Variants in VIL1 observed in about 807,000 individuals in gnomAD.
VIL1 encodes villin-1.
A neutral mutation model predicts 104.0 loss-of-function variants in VIL1; 86 were observed. The observed-to-expected ratio is 0.83, with a 90% CI of 0.69 to 0.99. VIL1 has a LOEUF of 0.99. Ranked by LOEUF, VIL1 falls within the 50% of genes least tolerant of loss-of-function variation. The pLI is 0.00. For synonymous variants in VIL1, 394 were observed against 412.6 expected (o/e 0.95, Z 0.55); for missense variants, 944 against 1,054.1 (o/e 0.90, Z 1.45).
At position 218,440,875 on chromosome 2, in the gene VIL1, C is replaced by G; in HGVS notation, c.2370+13C>G. 6.2e-7 allele frequency: 1 copy of G among 1,613,458 alleles called. No homozygotes were observed. Among genetic ancestry groups the G allele is most frequent in the Non-Finnish European group, 8.5e-7 (1 of 1,179,724 alleles). On this transcript the variant is annotated intron_variant, in intron 19 of 19. Transcript: ENST00000248444. ...CAGCAGGAAGGAGGTAGGTCAGATT[C>G]TCAAAGGAAGACAAAGAAGTCCATT...
chr2:218,426,350 G>T (rs544027070), intron 4 of VIL1, among the ~76,000 whole-genome samples: 37 of 152,154 alleles, frequency 2.4e-4, no homozygotes, highest in African/African-American at 8.4e-4. Context: ...CGCCTCCTGG[G>T]CTCAAGCGAT....
Position 218,425,652 on chromosome 2 carries a change from A to G in VIL1, c.188A>G (p.His63Arg), listed in dbSNP as rs1190569749. 1 of 1,614,178 alleles carries G rather than the reference A, an allele frequency of 6.2e-7. No homozygotes were observed. The highest frequency in any genetic ancestry group is 8.5e-7 in the Non-Finnish European group (1 of 1,180,036). The stretch of plus-strand genomic sequence containing the variant: ...GCCAGCAGCCTGTCCTATGACATCC[A>G]CTACTGGATTGGCCAGGACTCATCC... Reference protein sequence around the residue: ...KTASSLSYDIHYWIGQDSSLD... With the variant: ...KTASSLSYDIRYWIGQDSSLD... The change falls in exon 4 of 20, where the codon CAC (histidine) becomes CGC (arginine). Residue 63 changes from histidine (H) to arginine (R), a missense_variant. Transcript: ENST00000248444.
Position 218,428,416 on chromosome 2 carries a change from G to A in VIL1, c.567+79G>A, listed in dbSNP as rs1346628391. 1.5e-5 allele frequency: 18 copies of A among 1,237,216 alleles called. 1 individual carries two copies. Among genetic ancestry groups the A allele is most frequent in the Admixed American group, 1.2e-4 (7 of 56,280 alleles). The allele number at this position is 1,237,216 out of a possible 1,614,324, so 76.6% of individuals were successfully genotyped here. On this transcript the variant is annotated intron_variant, in intron 6 of 19. Coordinates refer to ENST00000248444, the MANE Select transcript of VIL1 (RefSeq NM_007127.3). The stretch of plus-strand genomic sequence containing the variant: ...TGCTCCTTTCCCCAGGCCTCTCCCC[G>A]CTGACTGCTGGGGACAGCATGTTTG...
At position 218,429,873 on chromosome 2, in the gene VIL1, G is replaced by C; in HGVS notation, c.874G>C (p.Gly292Arg). The C allele has an allele frequency of 3.1e-6, 5 of 1,613,916 alleles. No homozygotes were observed. In the South Asian group the frequency reaches 5.5e-5, roughly 18 times the overall value. The change falls in exon 9 of 20, where the codon GGC becomes CGC. Residue 292 changes from glycine (G) to arginine (R), a missense_variant. Gly to Arg is a moderately radical substitution (Grantham distance 125, BLOSUM62 -2). Coordinates refer to ENST00000248444, the MANE Select transcript of VIL1 (RefSeq NM_007127.3). ...HEDCYILDQG[G>R]LKIYVWKGKK... ...GGACTGTTACATCCTGGACCAGGGG[G>C]GCCTGAAGATCTACGTGTGGAAAGG...
intron 6 of VIL1, 107 bp from the exon 7 acceptor site, chr2:218,429,178 C>T: frequency 7.6e-7 from 1 of 1,310,264 alleles, no homozygotes; most frequent in South Asian, 1.4e-5. Flanking sequence ...GGTCTCAACC[C>T]CTGTGGCTGC....
Position 218,434,715 on chromosome 2 carries a change from G to A in VIL1, c.1680+10G>A. On this transcript the variant is annotated intron_variant, in intron 14 of 19. Transcript: ENST00000248444. Reference sequence around the variant, plus strand: ...TCTATGGTGTGGGAAGGTGTGTTCAGGGTCTAGAGGCCTCCCCATCCGCAA... The same window carrying A: ...TCTATGGTGTGGGAAGGTGTGTTCAAGGTCTAGAGGCCTCCCCATCCGCAA... 1.3e-6 allele frequency: 2 copies of A among 1,597,308 alleles called. No homozygotes were observed. The highest frequency in any genetic ancestry group is 1.7e-6 in the Non-Finnish European group (2 of 1,171,002).
In VIL1 at chr2:218,428,316, C is replaced by T; in HGVS notation, c.546C>T (p.Ser182=). 6.2e-7 allele frequency: 1 copy of T among 1,614,180 alleles called. No homozygotes were observed. Among genetic ancestry groups the T allele is most frequent in the Non-Finnish European group, 8.5e-7 (1 of 1,180,022 alleles). ...KLIIQWNGPE[S]TRMERLRGMT... ...TCATCCAGTGGAATGGACCGGAAAG[C>T]ACCCGTATGGAGAGACTCAGGGTAA... The change falls in exon 6 of 20, where the codon AGC becomes AGT. Residue 182 remains serine, a synonymous_variant. Coordinates refer to ENST00000248444, the MANE Select transcript of VIL1 (RefSeq NM_007127.3).
At chr2:218,435,537 C>G (rs1008577737) in intron 15 of VIL1, 103 bp downstream of exon 15, 14 of 1,454,058 alleles carry the variant, frequency 9.6e-6, no homozygotes, top group East Asian at 2.4e-5. Flanking sequence ...ACTGAGGACT[C>G]TGTGTGTCAG....
At chr2:218,423,684 C>A in intron 1 of VIL1, 84 bp from the exon 2 acceptor site, 2 of 1,388,578 alleles carry the variant, frequency 1.4e-6, no homozygotes, top group African/African-American at 1.4e-5. Flanking sequence ...GACCTCCTGG[C>A]ACTGTTGGGA....
intron 6 of VIL1, 78 bp downstream of exon 6, chr2:218,428,415 C>G (rs1226857916): frequency 7.9e-7 from 1 of 1,264,702 alleles, no homozygotes. Flanking sequence ...GGCCTCTCCC[C>G]GCTGACTGCT....
At chr2:218,434,923 C>T (rs1022744858) in intron 14 of VIL1, among the ~76,000 whole-genome samples, 1 of 152,202 alleles carries the variant, frequency 6.6e-6, no homozygotes, top group Non-Finnish European at 1.5e-5. Flanking sequence ...GCCTCTCTGT[C>T]GGAGTCAGTC....
chr2:218,449,442 C>T lies in VIL1; in HGVS notation c.*106C>T, dbSNP rs1689429982. 1.1e-6 allele frequency: 1 copy of T among 893,802 alleles called. No homozygotes were observed. Among genetic ancestry groups the T allele is most frequent in the Admixed American group, 2.0e-5 (1 of 51,134 alleles). 55.4% of individuals were successfully genotyped at this position (893,802 alleles called of 1,614,324 possible). On this transcript the variant is annotated 3_prime_UTR_variant, in exon 20 of 20. Coordinates refer to ENST00000248444, the MANE Select transcript of VIL1 (RefSeq NM_007127.3). ...ATTGAAGTGAAATTTTGCAGATGTG[C>T]CTATGAGCACAAACTTCTGTGGCAA... is the stretch of plus-strand genomic sequence containing the variant.
chr2:218,427,575 C>T (rs938449945), intron 4 of VIL1, among the ~76,000 whole-genome samples: 1 of 152,180 alleles, frequency 6.6e-6, no homozygotes, highest in Non-Finnish European at 1.5e-5. Context: ...ATCTGCCCAC[C>T]TCGGCCTCCC....
intron 16 of VIL1, 105 bp from the exon 17 acceptor site, chr2:218,437,019 A>T: frequency 7.4e-7 from 1 of 1,352,546 alleles, no homozygotes; most frequent in Non-Finnish European, 1.0e-6. Context: ...TGGTAGTGGT[A>T]GAGTCAGGGT....
chr2:218,432,046 G>A lies in VIL1; in HGVS notation c.1204G>A (p.Val402Met), dbSNP rs769899686. ...CACCCTGGCCTGATACTGGCCCTAGGTGTGGCGCATTGAGAACCTAGAGCT... is the reference window on the plus strand; with the variant it reads ...CACCCTGGCCTGATACTGGCCCTAGATGTGGCGCATTGAGAACCTAGAGCT... ...MVDDGSGEVQ[V>M]WRIENLELVP... The change falls in exon 12 of 20, where the codon GTG (valine) becomes ATG (methionine). Residue 402 changes from valine (V) to methionine (M), a missense_variant and splice_region_variant. Coordinates refer to ENST00000248444, the MANE Select transcript of VIL1 (RefSeq NM_007127.3). 1 of 1,613,988 alleles carries A rather than the reference G, an allele frequency of 6.2e-7. No homozygotes were observed. Among genetic ancestry groups the A allele is most frequent in the African/African-American group, 1.3e-5 (1 of 74,906 alleles).
chr2:218,441,815 C>G (rs1165595942), intron 19 of VIL1, among the ~76,000 whole-genome samples: 1 of 152,098 alleles, frequency 6.6e-6, no homozygotes, highest in Non-Finnish European at 1.5e-5. Context: ...TGGTGAAACC[C>G]CATCTCTACT....
chr2:218,430,793 G>A lies in VIL1; in HGVS notation c.1017G>A (p.Ser339=), dbSNP rs754988094. Residue 339 remains serine, a synonymous_variant, in exon 10 of 20, where the codon TCG becomes TCA. Transcript: ENST00000248444. ...AGGTGCAGAATGATGGGGCTGAGTCGGCCGTCTTTCAGCAGCTCTTCCAGA... is the reference window on the plus strand; with the variant it reads ...AGGTGCAGAATGATGGGGCTGAGTCAGCCGTCTTTCAGCAGCTCTTCCAGA... ...QVEVQNDGAE[S]AVFQQLFQKW... The A allele has an allele frequency of 7.4e-6, 12 of 1,613,634 alleles. No individual in the cohort carries two copies. The highest frequency in any genetic ancestry group is 1.7e-5 in the Admixed American group (1 of 59,932).
In VIL1 at chr2:218,439,700, C is replaced by G. The variant is rs146079695; in HGVS notation, c.2229+974C>G. The stretch of plus-strand genomic sequence containing the variant: ...GGTGTGGTGGTGCGTGCTTGTGGTC[C>G]CAGCTACTCAGGAGGCTGAGGTGGG... On this transcript the variant is annotated intron_variant, in intron 18 of 19. Transcript: ENST00000248444. 2.0e-5 allele frequency among the ~76,000 whole-genome samples: 3 copies of G among 151,646 alleles called. No individual in the cohort carries two copies. The East Asian group carries it at 5.8e-4, about 29-fold the overall frequency.
chr2:218,434,529 G>A lies in VIL1; in HGVS notation c.1504G>A (p.Gly502Ser), dbSNP rs374322296. ...TGTCTTCTGCCCTCACCTGCAGGGA[G>A]GCACCTCCCGAACTAACAACTTGGA... is the stretch of plus-strand genomic sequence containing the variant. ...FKGRMVVYQG[G>S]TSRTNNLETG... is the part of the protein sequence containing the mutation. Residue 502 changes from glycine (G) to serine (S), a missense_variant, in exon 14 of 20, where the codon GGC (glycine) becomes AGC (serine). Transcript: ENST00000248444. 1 of 1,610,092 alleles carries A rather than the reference G, an allele frequency of 6.2e-7. No individual in the cohort carries two copies. Among genetic ancestry groups the A allele is most frequent in the Admixed American group, 1.7e-5 (1 of 59,156 alleles).
Sources: allele counts gnomAD v4.1 joint callset (sites outside exome capture counted in the v4.1 genomes callset), GRCh38; gene constraint gnomAD v4.1.1; transcripts MANE v1.5; gene names NCBI Gene and HGNC (gene_info 2026-07-23, HGNC 2026-07-21).